PMFBP1: variants seen among roughly 807,000 people sequenced by gnomAD.
PMFBP1 encodes the protein polyamine-modulated factor 1-binding protein 1.
In PMFBP1, 131 loss-of-function variants were observed where a neutral mutation model predicts 137.8. That is an observed-to-expected ratio of 0.95 (90% CI 0.82 to 1.10). PMFBP1 has a LOEUF of 1.10. Among genes scored for constraint, PMFBP1 ranks in the 50% least tolerant of loss-of-function variants. PMFBP1 has a pLI of 0.00. For synonymous variants in PMFBP1, 490 were observed against 450.4 expected (o/e 1.09, Z -1.11); for missense variants, 1,199 against 1,175.4 (o/e 1.02, Z -0.29).
the PMFBP1 span, among the ~76,000 whole-genome samples, chr16:72,190,341 C>T: frequency 3.3e-5 from 5 of 152,182 alleles, no homozygotes; most frequent in South Asian, 2.1e-4. Flanking sequence ...TGAGTGTGGA[C>T]AGCCAGCTCG....
the PMFBP1 span, among the ~76,000 whole-genome samples, chr16:72,195,257 G>C: frequency 2.6e-5 from 4 of 152,172 alleles, no homozygotes; most frequent in Admixed American, 2.0e-4. Flanking sequence ...TGTTGGGCTG[G>C]TCAAGCTGTT....
the PMFBP1 span, among the ~76,000 whole-genome samples, chr16:72,205,566 A>G: frequency 6.6e-6 from 1 of 152,282 alleles, no homozygotes; most frequent in South Asian, 2.1e-4. Context: ...CTCTCCATAC[A>G]CATACAAAAG....
the PMFBP1 span, among the ~76,000 whole-genome samples, chr16:72,185,861 C>G: frequency 1.3e-5 from 2 of 152,194 alleles, no homozygotes; most frequent in Non-Finnish European, 2.9e-5. Context: ...CACACTCTCT[C>G]CAGAGGTAGA....
intron 5 of PMFBP1, 112 bp from the exon 6 acceptor site, chr16:72,140,694 T>C (rs1190844101): frequency 6.0e-6 from 6 of 1,002,628 alleles, no homozygotes; most frequent in Non-Finnish European, 8.8e-6. Flanking sequence ...TATGTTCATA[T>C]ATGGAAATCA....
At chr16:72,240,974 G>A in the PMFBP1 span, among the ~76,000 whole-genome samples, 6 of 151,892 alleles carry the variant, frequency 4.0e-5, no homozygotes, top group African/African-American at 1.5e-4. Flanking sequence ...AGTGGCAAAG[G>A]TGCAGGTGGA....
chr16:72,147,436 G>A (rs1385906367), intron 5 of PMFBP1, among the ~76,000 whole-genome samples: 1 of 152,108 alleles, frequency 6.6e-6, no homozygotes, highest in Admixed American at 6.6e-5. Context: ...AGAAAACCTA[G>A]GCAATACCGT....
chr16:72,215,178 G>A, the PMFBP1 span, among the ~76,000 whole-genome samples: 1 of 152,144 alleles, frequency 6.6e-6, no homozygotes, highest in Non-Finnish European at 1.5e-5. Context: ...AAAGAAAACT[G>A]AGAGACTGGA....
the PMFBP1 span, among the ~76,000 whole-genome samples, chr16:72,196,525 C>T: frequency 6.6e-6 from 1 of 152,178 alleles, no homozygotes; most frequent in Non-Finnish European, 1.5e-5. Flanking sequence ...AAAAATCTAA[C>T]CCTACCATTT....
upstream of PMFBP1, among the ~76,000 whole-genome samples, chr16:72,181,237 CA>C (rs57619423): frequency 1.5e-3 from 189 of 130,306 alleles, no homozygotes; most frequent in East Asian, 8.8e-3. Flanking sequence ...GACTTCATCT[CA>C]AAAAAAAAAA....
the PMFBP1 span, among the ~76,000 whole-genome samples, chr16:72,217,724 G>T: frequency 6.6e-6 from 1 of 152,230 alleles, no homozygotes; most frequent in South Asian, 2.1e-4. Flanking sequence ...GTGGTGGTGG[G>T]CACCTGTAAT....
the PMFBP1 span, among the ~76,000 whole-genome samples, chr16:72,228,667 T>C: frequency 1.3e-5 from 2 of 152,134 alleles, no homozygotes; most frequent in Admixed American, 6.5e-5. Context: ...ATCTACAAAC[T>C]TATGAATAAA....
At chr16:72,127,145 G>A (rs1180405881) in intron 14 of PMFBP1, among the ~76,000 whole-genome samples, 1 of 152,210 alleles carries the variant, frequency 6.6e-6, no homozygotes, top group Non-Finnish European at 1.5e-5. Flanking sequence ...AAGTGGCCAT[G>A]CACACAGAAA....
At chr16:72,125,866 A>G (rs1363613902) in intron 15 of PMFBP1, 102 bp downstream of exon 15, 19 of 1,413,520 alleles carry the variant, frequency 1.3e-5, no homozygotes, top group Non-Finnish European at 1.8e-5. Context: ...AGATGGCCCC[A>G]TTGACAGTCA....
intron 17 of PMFBP1, 57 bp from the exon 18 acceptor site, chr16:72,123,706 C>T: frequency 6.7e-6 from 10 of 1,491,302 alleles, no homozygotes; most frequent in Admixed American, 1.8e-5. Context: ...CCTGTCAGCC[C>T]TCCTTCCGAG....
chr16:72,248,255 C>T, the PMFBP1 span, among the ~76,000 whole-genome samples: 13,544 of 152,246 alleles, frequency 0.089, 1,685 homozygotes, highest in African/African-American at 0.28. Flanking sequence ...AGGATTTCTA[C>T]AACTAGGAAG....
chr16:72,227,303 C>T, the PMFBP1 span, among the ~76,000 whole-genome samples: 1 of 152,180 alleles, frequency 6.6e-6, no homozygotes, highest in African/African-American at 2.4e-5. Flanking sequence ...CTGATCCTTC[C>T]TCTTGAGTCT....
Position 72,132,778 on chromosome 16 carries a change from C to G in PMFBP1, c.1417G>C (p.Glu473Gln), listed in dbSNP as rs756028087. The change falls in exon 10 of 21, where the codon GAA (glutamate) becomes CAA (glutamine). Residue 473 changes from glutamate (E) to glutamine (Q), a missense_variant. Glu to Gln is a conservative substitution (Grantham distance 29, BLOSUM62 2). Coordinates refer to ENST00000237353, the MANE Select transcript of PMFBP1 (RefSeq NM_031293.3). The stretch of plus-strand genomic sequence containing the variant: ...AGCCTCTCCTGCTGCTTGGCCTCTT[C>G]GAGACTGTTCTTCAGCTTCTGGACC... ...AEVQKLKNSL[E>Q]EAKQQERLAA... 12 of 1,614,068 alleles carry G rather than the reference C, an allele frequency of 7.4e-6. No homozygotes were observed. The highest frequency in any genetic ancestry group is 1.3e-5 in the African/African-American group (1 of 74,926).
At chr16:72,146,285 C>T (rs938344647) in intron 5 of PMFBP1, among the ~76,000 whole-genome samples, 1 of 152,146 alleles carries the variant, frequency 6.6e-6, no homozygotes, top group Admixed American at 6.5e-5. Context: ...ACATGATTAC[C>T]TCAATAGATG....
At chr16:72,160,660 T>C (rs1338455488) in intron 3 of PMFBP1, among the ~76,000 whole-genome samples, 1 of 152,168 alleles carries the variant, frequency 6.6e-6, no homozygotes, top group Non-Finnish European at 1.5e-5. Flanking sequence ...AACTTAAGAC[T>C]TGGATACATC....
Sources: allele counts gnomAD v4.1 joint callset (sites outside exome capture counted in the v4.1 genomes callset), GRCh38; gene constraint gnomAD v4.1.1; transcripts MANE v1.5; gene names NCBI Gene and HGNC (gene_info 2026-07-23, HGNC 2026-07-21).